Variants in CTNNA3 observed in about 807,000 individuals in gnomAD.
CTNNA3 encodes catenin alpha 3.
A neutral mutation model predicts 95.7 loss-of-function variants in CTNNA3; 76 were observed. The ratio of observed to expected loss-of-function variants is 0.79; its 90% confidence interval spans 0.66 to 0.96. The LOEUF is 0.96. Ranked by LOEUF, CTNNA3 falls within the 40% of genes least tolerant of loss-of-function variation. The pLI is 0.00. For synonymous variants in CTNNA3, 431 were observed against 374.4 expected (o/e 1.15, Z -1.74); for missense variants, 1,191 against 1,089.8 (o/e 1.09, Z -1.31).
intron 13 of CTNNA3, among the ~76,000 whole-genome samples, chr10:66,261,971 C>T (rs1464637266): frequency 6.6e-6 from 1 of 151,974 alleles, no homozygotes; most frequent in Non-Finnish European, 1.5e-5. Context: ...GGTTCCTTCC[C>T]ATCTTCTCCT....
intron 12 of CTNNA3, among the ~76,000 whole-genome samples, chr10:66,335,950 C>A (rs1357859059): frequency 6.6e-6 from 1 of 152,134 alleles, no homozygotes; most frequent in Admixed American, 6.5e-5. Context: ...CTCCTCCAGC[C>A]TTGCTGCTGC....
At chr10:67,664,131 C>T (rs1182681683) in intron 1 of CTNNA3, among the ~76,000 whole-genome samples, 4 of 152,158 alleles carry the variant, frequency 2.6e-5, no homozygotes, top group Admixed American at 1.3e-4. Flanking sequence ...AATTGTAGGA[C>T]TAGTATTCAT....
At chr10:67,581,216 A>G (rs886152888) in intron 3 of CTNNA3, among the ~76,000 whole-genome samples, 1 of 152,124 alleles carries the variant, frequency 6.6e-6, no homozygotes, top group Admixed American at 6.5e-5. Flanking sequence ...AGCTATTATT[A>G]TTTTGAGATA....
intron 9 of CTNNA3, among the ~76,000 whole-genome samples, chr10:66,637,285 G>C (rs1845368818): frequency 6.6e-6 from 1 of 152,094 alleles, no homozygotes; most frequent in South Asian, 2.1e-4. Flanking sequence ...TATGTATTTA[G>C]TTGTTTTCAA....
intron 9 of CTNNA3, among the ~76,000 whole-genome samples, chr10:66,740,665 GACACAA>G (rs1159892278): frequency 6.6e-6 from 1 of 152,082 alleles, no homozygotes; most frequent in African/African-American, 2.4e-5. Flanking sequence ...TATTCTCACA[GACACAA>G]ACAGAAGCTC....
chr10:65,999,982 G>A (rs2133361221), intron 15 of CTNNA3, among the ~76,000 whole-genome samples: 1 of 150,276 alleles, frequency 6.7e-6, no homozygotes, highest in African/African-American at 2.4e-5. Flanking sequence ...CACTAGCTGA[G>A]GTAGTGCATA....
At chr10:67,615,420 A>T (rs1843619028) in intron 2 of CTNNA3, among the ~76,000 whole-genome samples, 1 of 152,240 alleles carries the variant, frequency 6.6e-6, no homozygotes, top group South Asian at 2.1e-4. Context: ...AAAGCTAAAC[A>T]CAACTAGGAA....
intron 5 of CTNNA3, among the ~76,000 whole-genome samples, chr10:67,329,860 C>A (rs549331221): frequency 9.2e-5 from 14 of 152,304 alleles, no homozygotes; most frequent in African/African-American, 3.4e-4. Context: ...TGCTCCTGAG[C>A]TGATGTAGTG....
intron 15 of CTNNA3, among the ~76,000 whole-genome samples, chr10:65,991,730 T>A (rs1262636491): frequency 6.6e-6 from 1 of 152,082 alleles, no homozygotes; most frequent in Non-Finnish European, 1.5e-5. Flanking sequence ...CCAATTTGGA[T>A]GACTTTTCTT....
intron 7 of CTNNA3, among the ~76,000 whole-genome samples, chr10:67,026,113 T>A: frequency 9.9e-6 from 1 of 100,724 alleles, no homozygotes; most frequent in South Asian, 3.9e-4. Context: ...TGTTGTGGGG[T>A]GAGGGGAGGG....
intron 13 of CTNNA3, among the ~76,000 whole-genome samples, chr10:66,172,620 T>C (rs1409254136): frequency 6.6e-6 from 1 of 152,168 alleles, no homozygotes; most frequent in Non-Finnish European, 1.5e-5. Flanking sequence ...TCATTGCATC[T>C]ATGATAAATT....
intron 9 of CTNNA3, among the ~76,000 whole-genome samples, chr10:66,764,712 C>T (rs779166709): frequency 6.6e-6 from 1 of 152,128 alleles, no homozygotes; most frequent in Non-Finnish European, 1.5e-5. Flanking sequence ...TTAGTTATGT[C>T]TTTTACAACC....
chr10:67,443,423 G>T (rs969445264), intron 5 of CTNNA3, among the ~76,000 whole-genome samples: 94 of 149,170 alleles, frequency 6.3e-4, no homozygotes, highest in African/African-American at 2.0e-3. Context: ...CAGTGTAAAA[G>T]TGTTCCTATT....
At chr10:65,976,469 C>T (rs886176884) in intron 16 of CTNNA3, among the ~76,000 whole-genome samples, 3 of 152,080 alleles carry the variant, frequency 2.0e-5, no homozygotes. Flanking sequence ...AAGAATGAGT[C>T]AAATGAGTAG....
chr10:66,821,424 G>C (rs1018783300), intron 7 of CTNNA3, among the ~76,000 whole-genome samples: 2 of 152,002 alleles, frequency 1.3e-5, no homozygotes, highest in African/African-American at 4.8e-5. Context: ...ACAAGCAGTG[G>C]AATTTAATAG....
chr10:66,983,590 T>C (rs574229759), intron 7 of CTNNA3, among the ~76,000 whole-genome samples: 2 of 152,230 alleles, frequency 1.3e-5, no homozygotes, highest in South Asian at 4.2e-4. Context: ...ATTTATTTTG[T>C]ACAACATCAA....
rs562406632 is a variant in CTNNA3, at chr10:67,171,629, G to A, written c.1047+8688C>T. Among the ~76,000 whole-genome samples, 25 of 151,840 alleles carry A rather than the reference G, an allele frequency of 1.6e-4. No individual in the cohort carries two copies. In the South Asian group the frequency reaches 3.7e-3, roughly 23 times the overall value. On this transcript the variant is annotated intron_variant, in intron 7 of 17. Transcript: ENST00000433211. ...TGACCAGGCCTGGTAGTGCACACCC[G>A]TAGTCCCAGCTATTCAGGAGGCTGT...
intron 3 of CTNNA3, among the ~76,000 whole-genome samples, chr10:67,560,869 A>T (rs919082718): frequency 3.9e-4 from 60 of 152,192 alleles, no homozygotes; most frequent in Admixed American, 1.5e-3. Context: ...TTTAAATGAA[A>T]AAAGATCAAA....
intron 1 of CTNNA3, chr10:67,648,856 A>C (rs886422625): frequency 8.8e-7 from 1 of 1,138,810 alleles, no homozygotes; most frequent in African/African-American, 1.6e-5. Flanking sequence ...GGCTCCAAAC[A>C]CTATTGCCAA....
Sources: allele counts gnomAD v4.1 joint callset (sites outside exome capture counted in the v4.1 genomes callset), GRCh38; gene constraint gnomAD v4.1.1; transcripts MANE v1.5; gene names NCBI Gene and HGNC (gene_info 2026-07-23, HGNC 2026-07-21).